GRM7: variants seen among roughly 807,000 people sequenced by gnomAD.
The protein encoded by GRM7 is metabotropic glutamate receptor 7.
GRM7 carries 35 observed loss-of-function variants against 84.5 expected under a neutral mutation model. That is an observed-to-expected ratio of 0.41 (90% confidence interval 0.32 to 0.55). The LOEUF is 0.55. Among genes scored for constraint, GRM7 ranks in the 20% least tolerant of loss-of-function variants. GRM7 has a pLI of 0.19. For missense variants in GRM7, 1,003 were observed against 1,194.6 expected, an observed-to-expected ratio of 0.84 and a Z score of 2.36; for synonymous variants, 487 against 455.1, an observed-to-expected ratio of 1.07 and a Z score of -0.89.
chr3:7,395,758 G>C (rs1695186939), intron 4 of GRM7, among the ~76,000 whole-genome samples: 1 of 152,158 alleles, frequency 6.6e-6, no homozygotes, highest in South Asian at 2.1e-4. Context: ...ATGGAATTGT[G>C]AGTCAGTTAA....
intron 4 of GRM7, among the ~76,000 whole-genome samples, chr3:7,361,348 C>A (rs1395110920): frequency 6.6e-6 from 1 of 152,084 alleles, no homozygotes; most frequent in Non-Finnish European, 1.5e-5. Flanking sequence ...AAGAACAAAG[C>A]AAGTCTAGAC....
chr3:7,238,599 C>G lies in GRM7; in HGVS notation c.737-60085C>G, dbSNP rs1170450648. Among the ~76,000 whole-genome samples, 6 of 152,106 alleles carry G rather than the reference C, an allele frequency of 3.9e-5. No individual in the cohort carries two copies. In the South Asian group the frequency reaches 1.2e-3, roughly 31 times the overall value. On this transcript the variant is annotated intron_variant, in intron 2 of 9. Coordinates refer to ENST00000357716, the MANE Select transcript of GRM7 (RefSeq NM_000844.4). Reference sequence around the variant, plus strand: ...TCAGGCTTAGCATACAGAAGAAACTCAATAAATATTTGTTAAAGGAATTGC... The same window carrying G: ...TCAGGCTTAGCATACAGAAGAAACTGAATAAATATTTGTTAAAGGAATTGC...
chr3:7,310,996 G>A (rs1394141263), intron 4 of GRM7, among the ~76,000 whole-genome samples: 4 of 152,080 alleles, frequency 2.6e-5, no homozygotes, highest in Non-Finnish European at 4.4e-5. Context: ...CCCCTCAGGT[G>A]TGCTGTGTCT....
At chr3:7,611,440 G>T (rs1274900501) in intron 8 of GRM7, among the ~76,000 whole-genome samples, 2 of 152,112 alleles carry the variant, frequency 1.3e-5, no homozygotes, top group African/African-American at 4.8e-5. Context: ...CAAGATACCT[G>T]TCATCCCTCC....
At chr3:7,446,458 T>C (rs6774558) in intron 5 of GRM7, among the ~76,000 whole-genome samples, 1 of 144,464 alleles carries the variant, frequency 6.9e-6, no homozygotes, top group African/African-American at 2.6e-5. Flanking sequence ...TTGTTTTTTT[T>C]TTTTTGTTTT....
chr3:7,105,705 T>C (rs1699269192), intron 1 of GRM7, among the ~76,000 whole-genome samples: 1 of 151,848 alleles, frequency 6.6e-6, no homozygotes, highest in Admixed American at 6.6e-5. Flanking sequence ...TTGAGTTCTT[T>C]CAGGTATTTT....
intron 2 of GRM7, among the ~76,000 whole-genome samples, chr3:7,175,334 T>C (rs554803726): frequency 1.8e-4 from 28 of 152,340 alleles, no homozygotes; most frequent in African/African-American, 5.5e-4. Flanking sequence ...TTATAATATT[T>C]AATAATTTTA....
At chr3:7,580,788 G>T (rs1230355233) in intron 8 of GRM7, among the ~76,000 whole-genome samples, 1 of 151,994 alleles carries the variant, frequency 6.6e-6, no homozygotes, top group Non-Finnish European at 1.5e-5. Context: ...TATGTTTACT[G>T]TCTGTGAAAC....
intron 7 of GRM7, among the ~76,000 whole-genome samples, chr3:7,550,577 C>CTCTG (rs1211953579): frequency 6.8e-4 from 36 of 53,026 alleles, no homozygotes; most frequent in East Asian, 3.3e-3. Context: ...CTCTCTCTCT[C>CTCTG]TGTGTGTGTG....
chr3:7,680,025 T>G (rs770702918), intron 8 of GRM7, 24 bp from the exon 9 acceptor site: 2 of 1,612,322 alleles, frequency 1.2e-6, no homozygotes, highest in Middle Eastern at 1.7e-4. Flanking sequence ...TTTGTAATAG[T>G]GCCTTGTGTG....
Position 7,578,912 on chromosome 3 carries a change from G to A in GRM7, c.2006G>A (p.Ser669Asn). ...RVFLGLGMCI[S>N]YAALLTKTNR... ...TTCTTGGGCTTGGGTATGTGCATCA[G>A]TTATGCAGCCCTCTTGACGAAAACA... The change falls in exon 8 of 10, where the codon AGT (serine) becomes AAT (asparagine). Residue 669 changes from serine to asparagine, a missense_variant. Physicochemically the swap from Ser to Asn is conservative, Grantham distance 46. This residue lies in a region of GRM7 where 910 missense variants were observed against 1,126.0 expected (regional missense o/e 0.81). Transcript: ENST00000357716. 1.2e-6 allele frequency: 2 copies of A among 1,614,148 alleles called. No homozygotes were observed. The highest frequency in any genetic ancestry group is 1.7e-6 in the Non-Finnish European group (2 of 1,180,030).
chr3:7,630,101 A>G (rs1014160283), intron 8 of GRM7, among the ~76,000 whole-genome samples: 3 of 152,208 alleles, frequency 2.0e-5, no homozygotes, highest in Non-Finnish European at 2.9e-5. Context: ...GCTCTCAGCC[A>G]TACATAAGTT....
chr3:7,681,706 G>T (rs1481484685), intron 9 of GRM7: 3 of 152,220 alleles, frequency 2.0e-5, no homozygotes, highest in Non-Finnish European at 4.4e-5. Context: ...GTGGCATTCA[G>T]TGTGATGTAG....
intron 1 of GRM7, among the ~76,000 whole-genome samples, chr3:6,920,681 C>G (rs999557305): frequency 1.3e-5 from 2 of 152,136 alleles, no homozygotes; most frequent in African/African-American, 4.8e-5. Flanking sequence ...AAATCCCCAG[C>G]CTGTTTTCAT....
chr3:7,344,902 A>G (rs971301046), intron 4 of GRM7, among the ~76,000 whole-genome samples: 1 of 152,172 alleles, frequency 6.6e-6, no homozygotes, highest in African/African-American at 2.4e-5. Context: ...TATTTTCAAA[A>G]AAACTGGACG....
chr3:6,905,641 G>A (rs1696548385), intron 1 of GRM7, among the ~76,000 whole-genome samples: 1 of 151,952 alleles, frequency 6.6e-6, no homozygotes, highest in African/African-American at 2.4e-5. Flanking sequence ...CAGTAATTTT[G>A]AAAACCTTTA....
chr3:7,450,992 G>A lies in GRM7; in HGVS notation c.1175-1615G>A, dbSNP rs369799638. Among the ~76,000 whole-genome samples, 135 of 152,240 alleles carry A rather than the reference G, an allele frequency of 8.9e-4. 1 individual carries two copies. Among genetic ancestry groups the A allele is most frequent in the African/African-American group, 3.0e-3 (125 of 41,562 alleles). Reference sequence around the variant, plus strand: ...AAACATTTTAGCACAGTGGCTGTCCGGAACCCTTTGTGTGTTTTGCAGGAA... The same window carrying A: ...AAACATTTTAGCACAGTGGCTGTCCAGAACCCTTTGTGTGTTTTGCAGGAA... On this transcript the variant is annotated intron_variant, in intron 5 of 9. Transcript: ENST00000357716.
chr3:7,285,616 A>T (rs1025117033), intron 2 of GRM7, among the ~76,000 whole-genome samples: 1 of 152,114 alleles, frequency 6.6e-6, no homozygotes, highest in African/African-American at 2.4e-5. Context: ...TAGACTCTCA[A>T]CATCCATAGA....
chr3:7,545,655 A>G (rs1435279974), intron 7 of GRM7, among the ~76,000 whole-genome samples: 1 of 152,098 alleles, frequency 6.6e-6, no homozygotes, highest in Non-Finnish European at 1.5e-5. Flanking sequence ...TAGCAAATTG[A>G]ATATATGGAG....
Sources: allele counts gnomAD v4.1 joint callset (sites outside exome capture counted in the v4.1 genomes callset), GRCh38; gene constraint gnomAD v4.1.1; regional missense constraint gnomAD v4.1.1; transcripts MANE v1.5; gene names NCBI Gene and HGNC (gene_info 2026-07-23, HGNC 2026-07-21).